NRG1: variants seen among roughly 807,000 people sequenced by gnomAD.
NRG1 encodes the protein pro-neuregulin-1, membrane-bound isoform.
NRG1 carries 18 observed loss-of-function variants against 63.8 expected under a neutral mutation model. The observed-to-expected ratio is 0.28, with a 90% confidence interval of 0.19 to 0.42. NRG1 has a LOEUF of 0.42. NRG1 is among the 10% of genes least tolerant of loss of function. NRG1 has a pLI of 1.00. For synonymous variants in NRG1, 302 were observed against 301.3 expected (o/e 1.00, Z -0.02); for missense variants, 762 against 814.7 (o/e 0.94, Z 0.79).
intron 1 of NRG1, chr8:32,171,550 T>A (rs1384007146): frequency 6.6e-6 from 1 of 152,298 alleles, no homozygotes; most frequent in African/African-American, 2.4e-5. Context: ...GGGAGAGGCA[T>A]TGCCTCACCT....
intron 1 of NRG1, among the ~76,000 whole-genome samples, chr8:32,537,213 A>AAAAAAAAAAAAAAAAAAAAAC (rs1832091062): frequency 6.7e-6 from 1 of 149,784 alleles, no homozygotes; most frequent in Non-Finnish European, 1.5e-5. Context: ...AAAAAAAAAA[A>AAAAAAAAAAAAAAAAAAAAAC]AAAAAAAGAA....
chr8:32,502,322 G>T (rs1351950017), intron 1 of NRG1, among the ~76,000 whole-genome samples: 3 of 150,832 alleles, frequency 2.0e-5, no homozygotes, highest in African/African-American at 7.3e-5. Flanking sequence ...TACCAAGAGG[G>T]ATGGTGCTAA....
At chr8:32,151,861 C>G (rs1006591397) in intron 1 of NRG1, among the ~76,000 whole-genome samples, 1 of 152,168 alleles carries the variant, frequency 6.6e-6, no homozygotes, top group African/African-American at 2.4e-5. Context: ...AGACATTGTC[C>G]GTGAAGCTCC....
chr8:31,869,015 T>G (rs1829244985), intron 1 of NRG1, among the ~76,000 whole-genome samples: 1 of 152,242 alleles, frequency 6.6e-6, no homozygotes, highest in Admixed American at 6.5e-5. Flanking sequence ...TTTTTAATGT[T>G]ATGTGGTAAT....
chr8:32,590,675 G>A (rs1338557890), intron 1 of NRG1, among the ~76,000 whole-genome samples: 3 of 152,150 alleles, frequency 2.0e-5, no homozygotes, highest in Non-Finnish European at 2.9e-5. Flanking sequence ...TGAAATAAAT[G>A]ATATTGTTTC....
intron 1 of NRG1, among the ~76,000 whole-genome samples, chr8:31,871,222 G>A (rs1382883807): frequency 6.7e-6 from 1 of 150,306 alleles, no homozygotes; most frequent in African/African-American, 2.5e-5. Flanking sequence ...TGATCCACCC[G>A]CCTTGGCCTC....
At chr8:31,696,795 G>A (rs1810111799) in intron 1 of NRG1, among the ~76,000 whole-genome samples, 1 of 152,166 alleles carries the variant, frequency 6.6e-6, no homozygotes, top group African/African-American at 2.4e-5. Context: ...GACCAGAGCT[G>A]TTTCTGACTT....
intron 5 of NRG1, chr8:32,721,859 A>G: frequency 2.1e-6 from 3 of 1,401,786 alleles, no homozygotes; most frequent in Non-Finnish European, 2.8e-6. Context: ...TCTGCTCCAG[A>G]GCTTCATCTT....
intron 1 of NRG1, among the ~76,000 whole-genome samples, chr8:32,441,880 G>A (rs760362060): frequency 7.2e-5 from 11 of 152,104 alleles, no homozygotes; most frequent in Non-Finnish European, 1.2e-4. Context: ...TCTGGTACTC[G>A]ATTTTCTCAT....
intron 1 of NRG1, among the ~76,000 whole-genome samples, chr8:32,361,662 C>T (rs1807231141): frequency 6.6e-6 from 1 of 152,060 alleles, no homozygotes; most frequent in Non-Finnish European, 1.5e-5. Flanking sequence ...CAAGAGGAGG[C>T]ACTTTCCTTA....
intron 1 of NRG1, among the ~76,000 whole-genome samples, chr8:32,417,572 A>G (rs1587514597): frequency 6.6e-6 from 1 of 152,142 alleles, no homozygotes; most frequent in South Asian, 2.1e-4. Flanking sequence ...AATTGTCTTT[A>G]TGTTCAAAGA....
intron 1 of NRG1, among the ~76,000 whole-genome samples, chr8:32,358,957 G>T (rs1806844134): frequency 6.6e-6 from 1 of 152,160 alleles, no homozygotes; most frequent in South Asian, 2.1e-4. Flanking sequence ...GGGCAGGGGT[G>T]AGGTAGGGTT....
At chr8:32,082,414 T>C (rs7822110) in intron 1 of NRG1, among the ~76,000 whole-genome samples, 49,191 of 151,844 alleles carry the variant, frequency 0.32, 9,002 homozygotes, top group East Asian at 0.65. Flanking sequence ...TTCACCTCTA[T>C]GTGTCCATGA....
intron 1 of NRG1, among the ~76,000 whole-genome samples, chr8:31,893,233 A>G (rs1831291476): frequency 6.6e-6 from 1 of 151,008 alleles, no homozygotes; most frequent in Non-Finnish European, 1.5e-5. Context: ...ATACTGGAGC[A>G]ACTGGATAAC....
intron 1 of NRG1, among the ~76,000 whole-genome samples, chr8:32,148,486 C>A (rs1357522612): frequency 6.6e-6 from 1 of 152,164 alleles, no homozygotes; most frequent in Non-Finnish European, 1.5e-5. Flanking sequence ...GCAAGCTCTG[C>A]CTCCCAGTTT....
chr8:32,372,356 A>G (rs1809013079), intron 1 of NRG1, among the ~76,000 whole-genome samples: 1 of 151,654 alleles, frequency 6.6e-6, no homozygotes, highest in African/African-American at 2.4e-5. Flanking sequence ...TGCCATCTCC[A>G]TGCTGTTTAA....
At chr8:32,760,308 A>G in exon 11 of NRG1, 1 of 1,614,046 alleles carries the variant, frequency 6.2e-7, no homozygotes, top group Non-Finnish European at 8.5e-7. Context: ...GCCCAAGAGG[A>G]CGTCTTAATG....
intron 1 of NRG1, among the ~76,000 whole-genome samples, chr8:31,701,434 C>T (rs148300826): frequency 1.0e-3 from 157 of 152,108 alleles, no homozygotes; most frequent in African/African-American, 3.5e-3. Context: ...ATACATATTC[C>T]GAACTTAATT....
At chr8:31,852,881 G>T (rs1480190797) in intron 1 of NRG1, among the ~76,000 whole-genome samples, 1 of 152,126 alleles carries the variant, frequency 6.6e-6, no homozygotes, top group Non-Finnish European at 1.5e-5. Context: ...TTTCCCCATT[G>T]CTTGTTTTTC....
Sources: gnomAD v4.1 joint callset for allele counts (sites outside exome capture counted in the v4.1 genomes callset) on GRCh38, gnomAD v4.1.1 for gene constraint, MANE v1.5 for transcripts, NCBI Gene and HGNC (gene_info 2026-07-23, HGNC 2026-07-21) for gene names.